The following AUTS2 variants were observed in gnomAD, a reference collection of about 807,000 sequenced individuals.
AUTS2 encodes autism susceptibility gene 2 protein.
In AUTS2, 17 loss-of-function variants were observed where a neutral mutation model predicts 112.4. The observed-to-expected ratio is 0.15, with a 90% CI of 0.10 to 0.23. The LOEUF (loss-of-function observed/expected upper bound fraction) is 0.23, where lower values mean the gene tolerates loss of function less well. Ranked by LOEUF, AUTS2 falls within the 10% of genes least tolerant of loss-of-function variation. AUTS2 has a pLI of 1.00. For synonymous variants in AUTS2, 751 were observed against 702.7 expected, an observed-to-expected ratio of 1.07 and a Z score of -1.09; for missense variants, 1,510 against 1,701.6, an observed-to-expected ratio of 0.89 and a Z score of 1.98.
At chr7:70,610,218 C>T (rs1021853924) in intron 5 of AUTS2, among the ~76,000 whole-genome samples, 3 of 151,978 alleles carry the variant, frequency 2.0e-5, no homozygotes, top group South Asian at 4.2e-4. Context: ...GGGCTGGTCT[C>T]GAACTCCTGG....
chr7:70,169,484 G>A lies in AUTS2; in HGVS notation c.660+34913G>A, dbSNP rs150108312. ...TTTTGATCTCCCGACCTCATGATCT[G>A]CCTGCGTCTACCTCCCAAAGTGCTG... On this transcript the variant is annotated intron_variant, in intron 4 of 18. Coordinates refer to ENST00000342771, the MANE Select transcript of AUTS2 (RefSeq NM_015570.4). Among the ~76,000 whole-genome samples, 643 of 152,168 alleles carry A rather than the reference G, an allele frequency of 4.2e-3. 8 individuals are homozygous for A. Among genetic ancestry groups the A allele is most frequent in the African/African-American group, 0.014 (587 of 41,534 alleles).
chr7:70,027,743 G>A (rs1044724394), intron 2 of AUTS2, among the ~76,000 whole-genome samples: 1 of 152,140 alleles, frequency 6.6e-6, no homozygotes, highest in African/African-American at 2.4e-5. Context: ...TTTAATGAAT[G>A]AGAAAGACTC....
chr7:69,834,254 G>A (rs1791625039), intron 1 of AUTS2, among the ~76,000 whole-genome samples: 1 of 152,268 alleles, frequency 6.6e-6, no homozygotes, highest in South Asian at 2.1e-4. Context: ...TGCAATGAAA[G>A]GCCTTTATTC....
At chr7:70,258,423 C>T (rs949466502) in intron 4 of AUTS2, among the ~76,000 whole-genome samples, 13 of 152,136 alleles carry the variant, frequency 8.5e-5, no homozygotes, top group African/African-American at 2.9e-4. Context: ...AGCTGTTGCT[C>T]GGGAGTAGAA....
rs145281655 is a variant in AUTS2 at position 69,802,497 on chromosome 7, C to T, written c.310-96789C>T. The stretch of plus-strand genomic sequence containing the variant: ...TCTGTCTCCTTGATGGCTTCCTTAT[C>T]TGTTGTCCTGTAACACTAACTGTGA... On this transcript the variant is annotated intron_variant, in intron 1 of 18. Transcript: ENST00000342771. 8.7e-3 allele frequency among the ~76,000 whole-genome samples: 1,325 copies of T among 152,284 alleles called. 17 individuals are homozygous for T. The highest frequency in any genetic ancestry group is 0.012 in the Non-Finnish European group (822 of 68,012).
chr7:70,503,516 A>ATTTTTT (rs5884783), intron 5 of AUTS2, among the ~76,000 whole-genome samples: 6 of 120,182 alleles, frequency 5.0e-5, no homozygotes, highest in African/African-American at 1.6e-4. Flanking sequence ...CTCCCGTCTC[A>ATTTTTT]TTTTTTTTTT....
chr7:69,766,479 G>A (rs542630152), intron 1 of AUTS2, among the ~76,000 whole-genome samples: 7 of 152,154 alleles, frequency 4.6e-5, no homozygotes, highest in Non-Finnish European at 1.0e-4. Context: ...TGGAATTACT[G>A]GATCATATGG....
chr7:70,334,488 A>G (rs967992758), intron 4 of AUTS2, among the ~76,000 whole-genome samples: 3 of 152,172 alleles, frequency 2.0e-5, no homozygotes, highest in Admixed American at 1.3e-4. Context: ...ATCACTGTGT[A>G]GAGTATTGGG....
chr7:70,166,585 T>G (rs1044771471), intron 4 of AUTS2, among the ~76,000 whole-genome samples: 4 of 152,088 alleles, frequency 2.6e-5, no homozygotes, highest in Non-Finnish European at 5.9e-5. Flanking sequence ...ACGTATATTG[T>G]GAATTTTAGA....
At chr7:70,285,550 G>A (rs1204081263) in intron 4 of AUTS2, among the ~76,000 whole-genome samples, 1 of 152,184 alleles carries the variant, frequency 6.6e-6, no homozygotes, top group Non-Finnish European at 1.5e-5. Context: ...AGTAAGTCAT[G>A]CAGTAAGCAT....
At chr7:70,777,281 C>G (rs2129559223) in intron 14 of AUTS2, 107 bp downstream of exon 14, 1 of 994,004 alleles carries the variant, frequency 1.0e-6, no homozygotes, top group African/African-American at 1.6e-5. Flanking sequence ...TTTTACAGAC[C>G]CATAGTTAGG....
chr7:70,210,778 T>A (rs1236717881), intron 4 of AUTS2, among the ~76,000 whole-genome samples: 1 of 152,226 alleles, frequency 6.6e-6, no homozygotes, highest in African/African-American at 2.4e-5. Context: ...ATTTTAAGAC[T>A]CTTCTGGTTG....
In AUTS2 at chr7:70,026,102, TG is replaced by T. The variant is rs1380757984; in HGVS notation, c.523-92027del. Among the ~76,000 whole-genome samples the T allele has an allele frequency of 7.2e-5, 11 of 152,186 alleles. No homozygotes were observed. The East Asian group carries it at 1.9e-3, about 27-fold the overall frequency. On this transcript the variant is annotated intron_variant, in intron 2 of 18. Coordinates refer to ENST00000342771, the MANE Select transcript of AUTS2 (RefSeq NM_015570.4). ...CTTCACAGGGATTAGTCACAGAAGA[TG>T]GGCGCTGCAGCTGCAGGTCTGGCTC...
At chr7:70,721,789 T>C (rs1786695870) in intron 6 of AUTS2, among the ~76,000 whole-genome samples, 1 of 152,192 alleles carries the variant, frequency 6.6e-6, no homozygotes, top group Non-Finnish European at 1.5e-5. Context: ...CATATACCCT[T>C]CACCTAGATC....
chr7:70,524,182 GT>G (rs1799748829), intron 5 of AUTS2, among the ~76,000 whole-genome samples: 1 of 152,170 alleles, frequency 6.6e-6, no homozygotes, highest in Non-Finnish European at 1.5e-5. Context: ...AAGAACTTGT[GT>G]TAGGTAGAGA....
intron 4 of AUTS2, among the ~76,000 whole-genome samples, chr7:70,160,999 GTTCCTGATATAA>G (rs1342466194): frequency 2.0e-5 from 3 of 152,164 alleles, no homozygotes; most frequent in Non-Finnish European, 2.9e-5. Context: ...GAACTTGTGC[GTTCCTGATATAA>G]TGATGCTGAA....
At chr7:70,628,709 A>G (rs1057487999) in intron 5 of AUTS2, among the ~76,000 whole-genome samples, 21 of 152,198 alleles carry the variant, frequency 1.4e-4, no homozygotes, top group African/African-American at 5.1e-4. Context: ...GAGCAGGGAG[A>G]CCAGTTAGGA....
At chr7:70,678,533 T>C (rs1808044397) in intron 5 of AUTS2, among the ~76,000 whole-genome samples, 1 of 152,232 alleles carries the variant, frequency 6.6e-6, no homozygotes, top group Non-Finnish European at 1.5e-5. Context: ...GCTAAGGTAA[T>C]CTTCACAACC....
At chr7:70,468,662 G>A (rs1797259302) in intron 5 of AUTS2, among the ~76,000 whole-genome samples, 1 of 152,176 alleles carries the variant, frequency 6.6e-6, no homozygotes, top group Admixed American at 6.5e-5. Flanking sequence ...GTAGCCACAG[G>A]TCAGTGAGCA....
Sources: gnomAD v4.1 joint callset for allele counts (sites outside exome capture counted in the v4.1 genomes callset) on GRCh38, gnomAD v4.1.1 for gene constraint, MANE v1.5 for transcripts, NCBI Gene and HGNC (gene_info 2026-07-23, HGNC 2026-07-21) for gene names.